DNAJC17: variants seen among roughly 807,000 people sequenced by gnomAD.
DNAJC17 encodes the protein DnaJ heat shock protein family (Hsp40) member C17, also known as dnaJ homolog subfamily C member 17.
Under a neutral mutation model 48.1 loss-of-function variants are expected in DNAJC17, and 35 were observed. That is an observed-to-expected ratio of 0.73 (90% CI 0.56 to 0.96). DNAJC17 has a LOEUF of 0.96. Ranked by LOEUF, DNAJC17 falls within the 50% of genes least tolerant of loss-of-function variation. The pLI is 0.00. For missense variants in DNAJC17, 355 were observed against 377.1 expected (o/e 0.94, Z 0.48); for synonymous variants, 117 against 142.7 (o/e 0.82, Z 1.28).
chr15:40,781,462 T>C (rs1320167856), intron 1 of DNAJC17, among the ~76,000 whole-genome samples: 1 of 151,874 alleles, frequency 6.6e-6, no homozygotes, highest in Non-Finnish European at 1.5e-5. Context: ...ATCATGCCAT[T>C]GTACTCTAGC....
At chr15:40,772,505 G>A (rs1222468388) in intron 10 of DNAJC17, 1 of 164,826 alleles carries the variant, frequency 6.1e-6, no homozygotes, top group Non-Finnish European at 1.5e-5. Flanking sequence ...TGGGAATGAG[G>A]TCTCTAAAGC....
chr15:40,807,371 C>G lies in DNAJC17; in HGVS notation c.76G>C (p.Glu26Gln), dbSNP rs1235014807. 13 of 1,614,162 alleles carry G rather than the reference C, an allele frequency of 8.1e-6. No homozygotes were observed. The highest frequency in any genetic ancestry group is 4.0e-5 in the African/African-American group (3 of 74,954). ...GCCTTCCTCGCCACCGTTCTCACCTCTTTGTCCGCTGCCTTCTCCTCAATG... is the reference window on the plus strand; with the variant it reads ...GCCTTCCTCGCCACCGTTCTCACCTGTTTGTCCGCTGCCTTCTCCTCAATG... ...LGIEEKAADK[E>Q]VKKAYRQKAL... Residue 26 changes from glutamate to glutamine, a missense_variant and splice_region_variant, in exon 1 of 11, where the codon GAG becomes CAG. Glu to Gln is a conservative substitution (Grantham distance 29). This residue lies in a region of DNAJC17 where 199 missense variants were observed against 199.9 expected (regional missense o/e 1.00). Coordinates refer to ENST00000220496, the MANE Select transcript of DNAJC17 (RefSeq NM_018163.3).
At chr15:40,777,872 C>T (rs993808585) in intron 4 of DNAJC17, among the ~76,000 whole-genome samples, 7 of 151,664 alleles carry the variant, frequency 4.6e-5, no homozygotes, top group South Asian at 2.1e-4. Context: ...AGTAAATTTA[C>T]GAAAAATCAT....
In DNAJC17 at chr15:40,767,206, C is replaced by T. The variant is rs755145154; in HGVS notation, c.*734G>A. ...TTGCTGTGTGCCCCTCCTCACCCCC[C>T]CCATCCTGTCTCTTTGCAGTTATGA... On this transcript the variant is annotated 3_prime_UTR_variant, in exon 11 of 11. Coordinates refer to ENST00000220496, the MANE Select transcript of DNAJC17 (RefSeq NM_018163.3). 2.5e-5 allele frequency: 37 copies of T among 1,486,708 alleles called. No homozygotes were observed. The highest frequency in any genetic ancestry group is 3.0e-5 in the Non-Finnish European group (34 of 1,115,994). The allele number at this position is 1,486,708 out of a possible 1,614,324, so 92.1% of individuals were successfully genotyped here. A position where few individuals can be genotyped will look rare whatever the true frequency, so the allele number is the denominator to read the frequency against.
intron 1 of DNAJC17, among the ~76,000 whole-genome samples, chr15:40,799,943 G>A (rs1033846744): frequency 3.9e-5 from 6 of 152,060 alleles, no homozygotes; most frequent in African/African-American, 1.4e-4. Flanking sequence ...TGGAACTCCT[G>A]GGCTCAAGCA....
rs1888999391 is a variant in DNAJC17 at position 40,768,032 on chromosome 15, T to G, written c.823A>C (p.Ser275Arg). The change falls in exon 11 of 11, where the codon AGC becomes CGC. Residue 275 changes from serine to arginine, a missense_variant. Coordinates refer to ENST00000220496, the MANE Select transcript of DNAJC17 (RefSeq NM_018163.3). ...TGGCGCATGCGCATCATGACGAGGCTCTCGTAGTCCCTCTCTGACAGCACT... is the reference window on the plus strand; with the variant it reads ...TGGCGCATGCGCATCATGACGAGGCGCTCGTAGTCCCTCTCTGACAGCACT... ...GSVLSERDYE[S>R]LVMMRMRQAA... 6.3e-7 allele frequency: 1 copy of G among 1,593,046 alleles called. No homozygotes were observed. The highest frequency in any genetic ancestry group is 1.1e-5 in the South Asian group (1 of 88,024).
chr15:40,776,584 C>G lies in DNAJC17; in HGVS notation c.339G>C (p.Glu113Asp). 6.2e-7 allele frequency: 1 copy of G among 1,614,058 alleles called. No homozygotes were observed. The highest frequency in any genetic ancestry group is 1.1e-5 in the South Asian group (1 of 91,086). ...RERQAQAQES[E>D]EEEESRSTRT... ...TGGTGCTCCGGCTCTCCTCTTCCTC[C>G]TCACTCTCCTGGGCCTGGGCCTGCC... Residue 113 changes from glutamate (E) to aspartate (D), a missense_variant, in exon 5 of 11, where the codon GAG becomes GAC. This residue lies in a region of DNAJC17 where 199 missense variants were observed against 199.9 expected (regional missense o/e 1.00). Transcript: ENST00000220496.
chr15:40,765,995 C>A lies in DNAJC17; in HGVS notation c.*1945G>T. ...TGCCTCTGCTCCCTTTATACAACCT[C>A]CAAGCCCAGGGACAGGGCCCAGCAT... On this transcript the variant is annotated 3_prime_UTR_variant, in exon 11 of 11. Transcript: ENST00000220496. The A allele has an allele frequency of 2.9e-6, 2 of 689,244 alleles. No individual in the cohort carries two copies. Among genetic ancestry groups the A allele is most frequent in the South Asian group, 4.4e-5 (2 of 45,234 alleles). The allele number at this position is 689,244 out of a possible 1,614,324, so 42.7% of individuals were successfully genotyped here.
chr15:40,795,571 C>G (rs1889923761), intron 1 of DNAJC17, among the ~76,000 whole-genome samples: 1 of 152,080 alleles, frequency 6.6e-6, no homozygotes, highest in Admixed American at 6.6e-5. Context: ...GAAAAAGAAC[C>G]AGGCAGAACA....
In DNAJC17 at chr15:40,767,679, G is replaced by C. The variant is rs373324507; in HGVS notation, c.*261C>G. 5.4e-4 allele frequency: 328 copies of C among 609,786 alleles called. No homozygotes were observed. In the East Asian group the frequency reaches 8.7e-3, roughly 16 times the overall value. 37.8% of individuals were successfully genotyped at this position (609,786 alleles called of 1,614,324 possible). On this transcript the variant is annotated 3_prime_UTR_variant, in exon 11 of 11. Coordinates refer to ENST00000220496, the MANE Select transcript of DNAJC17 (RefSeq NM_018163.3). ...CTGGCGCGTGGCTCCTGCATAGCTAGCCCAAGCCAATAAAGGGCTGTGATG... is the reference window on the plus strand; with the variant it reads ...CTGGCGCGTGGCTCCTGCATAGCTACCCCAAGCCAATAAAGGGCTGTGATG...
chr15:40,775,807 T>C (rs1207443264), intron 6 of DNAJC17, among the ~76,000 whole-genome samples: 1 of 152,072 alleles, frequency 6.6e-6, no homozygotes, highest in Non-Finnish European at 1.5e-5. Context: ...AGCTGCCTCC[T>C]GAAGGCCACT....
chr15:40,770,593 T>C lies in DNAJC17; in HGVS notation c.793-2531A>G, dbSNP rs1422891042. ...CGGCTCCGGCGACAGAGTAGTGTGC[T>C]TAGCCAGGCCAGCACAGCAGGTGGG... On this transcript the variant is annotated intron_variant, in intron 10 of 10. Transcript: ENST00000220496. This position sits in a 1 kb window ranked among gnomAD's most constrained non-coding sequence, Gnocchi z 5.0. The C allele has an allele frequency of 6.4e-7, 1 of 1,550,580 alleles. No homozygotes were observed. The highest frequency in any genetic ancestry group is 1.4e-5 in the African/African-American group (1 of 73,042).
At position 40,769,902 on chromosome 15, in the gene DNAJC17, T is replaced by C. The variant is rs1889078621; in HGVS notation, c.793-1840A>G. Reference sequence around the variant, plus strand: ...CCATCCCTGCACGCGGATGCTGCAATTACCCAAGAGCACGAAACCTGGCTT... The same window carrying C: ...CCATCCCTGCACGCGGATGCTGCAACTACCCAAGAGCACGAAACCTGGCTT... On this transcript the variant is annotated intron_variant, in intron 10 of 10. Transcript: ENST00000220496. The surrounding 1 kb of genome is among the most constrained non-coding windows in gnomAD (Gnocchi z 4.2). 1 of 153,222 alleles carries C rather than the reference T, an allele frequency of 6.5e-6. No individual in the cohort carries two copies. The highest frequency in any genetic ancestry group is 2.4e-5 in the African/African-American group (1 of 41,404). 9.5% of individuals were successfully genotyped at this position (153,222 alleles called of 1,614,324 possible).
intron 10 of DNAJC17, among the ~76,000 whole-genome samples, chr15:40,773,489 A>G (rs1889216109): frequency 6.6e-6 from 1 of 152,186 alleles, no homozygotes; most frequent in Non-Finnish European, 1.5e-5. Context: ...TCCCAACAGG[A>G]GGCCAGATAT....
At position 40,767,780 on chromosome 15, in the gene DNAJC17, C is replaced by T; in HGVS notation, c.*160G>A. On this transcript the variant is annotated 3_prime_UTR_variant, in exon 11 of 11. Transcript: ENST00000220496. Reference sequence around the variant, plus strand: ...TGCGGAGCGTTTCCCTGGGGGTCTGCCCACTTCCTGGGAGGGGCGCCAGGC... The same window carrying T: ...TGCGGAGCGTTTCCCTGGGGGTCTGTCCACTTCCTGGGAGGGGCGCCAGGC... 2 of 1,080,224 alleles carry T rather than the reference C, an allele frequency of 1.9e-6. No homozygotes were observed. The highest frequency in any genetic ancestry group is 1.7e-5 in the South Asian group (1 of 59,702). The allele number at this position is 1,080,224 out of a possible 1,614,324, so 66.9% of individuals were successfully genotyped here. A position where few individuals can be genotyped will look rare whatever the true frequency, so the allele number is the denominator to read the frequency against.
At chr15:40,800,631 G>GT (rs141005882) in intron 1 of DNAJC17, among the ~76,000 whole-genome samples, 4,314 of 141,816 alleles carry the variant, frequency 0.03, 211 homozygotes, top group African/African-American at 0.11. Flanking sequence ...GTTGAGCTGT[G>GT]TTTTTTTTTC....
rs761259111 is a variant in DNAJC17 at position 40,775,054 on chromosome 15, C to T, written c.577G>A (p.Val193Ile). The change falls in exon 8 of 11, where the codon GTC becomes ATC. Residue 193 changes from valine (V) to isoleucine (I), a missense_variant. This residue lies in a region of DNAJC17 where 68 missense variants were observed against 109.5 expected (regional missense o/e 0.62). Coordinates refer to ENST00000220496, the MANE Select transcript of DNAJC17 (RefSeq NM_018163.3). Reference sequence around the variant, plus strand: ...ACCTTCTGCAAAAGCCGTAGGAGGACGTCTTTGGAGTAGCCACCTTTTGAC... The same window carrying T: ...ACCTTCTGCAAAAGCCGTAGGAGGATGTCTTTGGAGTAGCCACCTTTTGAC... ...DESKGGYSKD[V>I]LLRLLQKYGE... is the part of the protein sequence containing the mutation. 13 of 1,613,998 alleles carry T rather than the reference C, an allele frequency of 8.1e-6. No individual in the cohort carries two copies. The highest frequency in any genetic ancestry group is 6.7e-5 in the East Asian group (3 of 44,862).
chr15:40,775,006 A>C, intron 8 of DNAJC17, 25 bp downstream of exon 8: 1 of 1,613,654 alleles, frequency 6.2e-7, no homozygotes, highest in Non-Finnish European at 8.5e-7. Flanking sequence ...GATGATAGGA[A>C]AGAGTGGACG....
At chr15:40,792,383 G>T (rs1029664157) in intron 1 of DNAJC17, 13 of 855,734 alleles carry the variant, frequency 1.5e-5, no homozygotes, top group Non-Finnish European at 4.2e-6. Flanking sequence ...CTGATAAATA[G>T]ACTTAAGCTT....
Sources: gnomAD v4.1 joint callset for allele counts (sites outside exome capture counted in the v4.1 genomes callset) on GRCh38, gnomAD v4.1.1 for gene constraint, gnomAD v4.1.1 regional missense constraint, Gnocchi (gnomAD v3.1) non-coding constraint, MANE v1.5 for transcripts, NCBI Gene and HGNC (gene_info 2026-07-23, HGNC 2026-07-21) for gene names.